Variants in HLF observed in about 807,000 individuals in gnomAD.
HLF encodes HLF transcription factor, PAR bZIP family member.
In HLF, 3 loss-of-function variants were observed where a neutral mutation model predicts 22.6. The ratio of observed to expected loss-of-function variants is 0.13; its 90% CI spans 0.06 to 0.34. The LOEUF is 0.34. Among genes scored for constraint, HLF ranks in the 10% least tolerant of loss-of-function variants. HLF has a pLI of 1.00. For synonymous variants in HLF, 151 were observed against 151.8 expected (o/e 0.99, Z 0.04); for missense variants, 299 against 389.2 (o/e 0.77, Z 1.95).
Position 55,324,661 on chromosome 17 carries a change from C to T in HLF, c.*3782C>T. On this transcript the variant is annotated 3_prime_UTR_variant, in exon 4 of 4. Transcript: ENST00000226067. ...CACCTTCTGCTCCTAGGTACCCCCA[C>T]TGGCAAGGCCAAGGTCTCCTCCACG... 4.3e-6 allele frequency: 1 copy of T among 232,746 alleles called. No homozygotes were observed. Among genetic ancestry groups the T allele is most frequent in the Non-Finnish European group, 8.5e-6 (1 of 117,720 alleles). The allele number at this position is 232,746 out of a possible 1,614,324, so 14.4% of individuals were successfully genotyped here. A position where few individuals can be genotyped will look rare whatever the true frequency, so the allele number is the denominator to read the frequency against.
rs141413025 is a variant in HLF, at chr17:55,296,422, C to T, written c.452-18805C>T. On this transcript the variant is annotated intron_variant, in intron 2 of 3. Transcript: ENST00000226067. ...CACAGTTTCTGCGTACTCTTCCAGACGTTCCCTTTGTGTTTATAAGCATTT... is the reference window on the plus strand; with the variant it reads ...CACAGTTTCTGCGTACTCTTCCAGATGTTCCCTTTGTGTTTATAAGCATTT... Among the ~76,000 whole-genome samples the T allele has an allele frequency of 6.7e-4, 102 of 152,232 alleles. 1 individual carries two copies. Among genetic ancestry groups the T allele is most frequent in the African/African-American group, 2.4e-3 (100 of 41,528 alleles).
In HLF at chr17:55,320,051, T is replaced by C. The variant is rs1164938608; in HGVS notation, c.673-613T>C. ...GCTGCCAAGTATCCCTTTGTATGACTGTATCATAACGTGGTTGTTAAATCT... is the reference window on the plus strand; with the variant it reads ...GCTGCCAAGTATCCCTTTGTATGACCGTATCATAACGTGGTTGTTAAATCT... On this transcript the variant is annotated intron_variant, in intron 3 of 3. Transcript: ENST00000226067. The surrounding 1 kb of genome is among the most constrained non-coding windows in gnomAD (Gnocchi z 4.2). 1.3e-5 allele frequency among the ~76,000 whole-genome samples: 2 copies of C among 152,222 alleles called. No homozygotes were observed. Among genetic ancestry groups the C allele is most frequent in the East Asian group, 3.8e-4 (2 of 5,204 alleles).
chr17:55,273,894 G>A (rs16955833), intron 2 of HLF, among the ~76,000 whole-genome samples: 2,626 of 152,066 alleles, frequency 0.017, 65 homozygotes, highest in African/African-American at 0.06. Flanking sequence ...AGGGAAACCT[G>A]TTCTGTCCAA....
At position 55,321,098 on chromosome 17, in the gene HLF, T is replaced by C. The variant is rs17746075; in HGVS notation, c.*219T>C. On this transcript the variant is annotated 3_prime_UTR_variant, in exon 4 of 4. Coordinates refer to ENST00000226067, the MANE Select transcript of HLF (RefSeq NM_002126.5). ...GTGCGTGTGCGTGTTCCTTTGCTCT[T>C]GCCATTTTAAGGTAGCCCTCTCATC... 20 of 508,194 alleles carry C rather than the reference T, an allele frequency of 3.9e-5. No homozygotes were observed. The highest frequency in any genetic ancestry group is 1.1e-3 in the Middle Eastern group (2 of 1,904). The allele number at this position is 508,194 out of a possible 1,614,324, so 31.5% of individuals were successfully genotyped here.
intron 2 of HLF, among the ~76,000 whole-genome samples, chr17:55,273,978 T>C (rs1347133910): frequency 6.6e-6 from 1 of 152,154 alleles, no homozygotes; most frequent in Non-Finnish European, 1.5e-5. Context: ...TCTGCACTGC[T>C]GCGGTGGGCA....
rs1307725016 is a variant in HLF, at chr17:55,320,841, A to G, written c.850A>G (p.Ile284Val). The stretch of plus-strand genomic sequence containing the variant: ...GAAGGAGCTGGGCAAATGCAAGAAC[A>G]TACTTGCCAAGTATGAGGCCAGGCA... ...LRKELGKCKN[I>V]LAKYEARHGP... Residue 284 changes from isoleucine to valine, a missense_variant, in exon 4 of 4, where the codon ATA becomes GTA. This residue lies in a region of HLF where 224 missense variants were observed against 298.1 expected (regional missense o/e 0.75). Transcript: ENST00000226067. The surrounding 1 kb of genome is among the most constrained non-coding windows in gnomAD (Gnocchi z 4.2). The G allele has an allele frequency of 2.5e-6, 4 of 1,613,630 alleles. No individual in the cohort carries two copies. Among genetic ancestry groups the G allele is most frequent in the Non-Finnish European group, 3.4e-6 (4 of 1,179,888 alleles).
intron 2 of HLF, among the ~76,000 whole-genome samples, chr17:55,290,242 C>T (rs1340062945): frequency 2.0e-5 from 3 of 152,220 alleles, no homozygotes; most frequent in Non-Finnish European, 1.5e-5. Context: ...AGCAGTGCCA[C>T]TGCTGGGTGT....
intron 2 of HLF, chr17:55,272,065 G>C (rs534920404): frequency 6.6e-6 from 1 of 152,368 alleles, no homozygotes; most frequent in East Asian, 1.9e-4. Flanking sequence ...AGTGGTTCTT[G>C]GAGGCCAGAG....
chr17:55,303,049 G>A (rs1904372971), intron 2 of HLF, among the ~76,000 whole-genome samples: 1 of 152,194 alleles, frequency 6.6e-6, no homozygotes, highest in South Asian at 2.1e-4. Context: ...GCAGAATGTT[G>A]ACAAAAGCAG....
intron 2 of HLF, among the ~76,000 whole-genome samples, chr17:55,280,740 C>T (rs1014895484): frequency 1.1e-4 from 17 of 152,090 alleles, no homozygotes; most frequent in Admixed American, 8.5e-4. Context: ...CTTCTGCTCT[C>T]CTTAGTGTGA....
chr17:55,324,883 CAT>C lies in HLF; in HGVS notation c.*4006_*4007del, dbSNP rs1905407612. ...CTTTAATTTTGAGCACCTTACCAAACATAACAATAATCCATTATCCTTTTGGC... is the reference window on the plus strand; with the variant it reads ...CTTTAATTTTGAGCACCTTACCAAACAACAATAATCCATTATCCTTTTGGC... On this transcript the variant is annotated 3_prime_UTR_variant, in exon 4 of 4. Transcript: ENST00000226067. 1.3e-5 allele frequency: 3 copies of C among 232,208 alleles called. No individual in the cohort carries two copies. Among genetic ancestry groups the C allele is most frequent in the African/African-American group, 4.4e-5 (2 of 45,188 alleles). 14.4% of individuals were successfully genotyped at this position (232,208 alleles called of 1,614,324 possible).
intron 2 of HLF, among the ~76,000 whole-genome samples, chr17:55,269,923 A>AAGG (rs2080836979): frequency 1.3e-5 from 2 of 152,214 alleles, no homozygotes; most frequent in South Asian, 4.1e-4. Context: ...TACCAAATTT[A>AAGG]GGATGTGTAC....
Position 55,265,362 on chromosome 17 carries a change from C to CA in HLF, c.-123_-122insA, listed in dbSNP as rs1416235892. The CA allele has an allele frequency of 3.2e-6, 2 of 623,532 alleles. No homozygotes were observed. Among genetic ancestry groups the CA allele is most frequent in the African/African-American group, 3.8e-5 (2 of 52,622 alleles). The allele number at this position is 623,532 out of a possible 1,614,324, so 38.6% of individuals were successfully genotyped here. A position where few individuals can be genotyped will look rare whatever the true frequency, so the allele number is the denominator to read the frequency against. On this transcript the variant is annotated 5_prime_UTR_variant, in exon 1 of 4. Transcript: ENST00000226067. ...ATAAGTAATTTTTTTCTTCCCTTTT[C>CA]TCCACCGCCTTGAGAGCGAGTACTT... is the stretch of plus-strand genomic sequence containing the variant.
intron 2 of HLF, among the ~76,000 whole-genome samples, chr17:55,276,919 T>A (rs2080908974): frequency 6.6e-6 from 1 of 152,230 alleles, no homozygotes; most frequent in African/African-American, 2.4e-5. Flanking sequence ...TGAAAATAAA[T>A]ACTCTCCCTT....
intron 2 of HLF, among the ~76,000 whole-genome samples, chr17:55,296,705 T>C (rs1339706658): frequency 2.6e-5 from 4 of 152,210 alleles, no homozygotes; most frequent in Admixed American, 2.0e-4. Context: ...TACACTTGTG[T>C]GGTATATCTA....
rs1372601522 is a variant in HLF, at chr17:55,323,359, T to G, written c.*2480T>G. 9.3e-6 allele frequency: 2 copies of G among 215,408 alleles called. No individual in the cohort carries two copies. The highest frequency in any genetic ancestry group is 1.9e-5 in the Non-Finnish European group (2 of 106,660). The allele number at this position is 215,408 out of a possible 1,614,324, so 13.3% of individuals were successfully genotyped here. On this transcript the variant is annotated 3_prime_UTR_variant, in exon 4 of 4. Coordinates refer to ENST00000226067, the MANE Select transcript of HLF (RefSeq NM_002126.5). ...TAAAAACATAGAAAAATGATGTCTTTAAGTGGAGAATTGTGGAAGGATTGT... is the reference window on the plus strand; with the variant it reads ...TAAAAACATAGAAAAATGATGTCTTGAAGTGGAGAATTGTGGAAGGATTGT...
intron 2 of HLF, among the ~76,000 whole-genome samples, chr17:55,274,311 A>G (rs2080885741): frequency 6.6e-6 from 1 of 152,188 alleles, no homozygotes; most frequent in African/African-American, 2.4e-5. Flanking sequence ...AAGTAATAAG[A>G]TGAAAAAAAG....
At chr17:55,307,470 TC>T (rs1366643604) in intron 2 of HLF, among the ~76,000 whole-genome samples, 1 of 151,978 alleles carries the variant, frequency 6.6e-6, no homozygotes, top group Admixed American at 6.6e-5. Flanking sequence ...TGCCCAGCCT[TC>T]TCTCAGTAGC....
chr17:55,321,778 G>T lies in HLF; in HGVS notation c.*899G>T. ...AAGCAGAGGGAAATGGGAGGTCTAA[G>T]GATGAGGGGTTAATTTATCAGTACA... On this transcript the variant is annotated 3_prime_UTR_variant, in exon 4 of 4. Coordinates refer to ENST00000226067, the MANE Select transcript of HLF (RefSeq NM_002126.5). 4.3e-6 allele frequency: 1 copy of T among 231,590 alleles called. No individual in the cohort carries two copies. The highest frequency in any genetic ancestry group is 8.6e-6 in the Non-Finnish European group (1 of 116,760). 14.3% of individuals were successfully genotyped at this position (231,590 alleles called of 1,614,324 possible). A position where few individuals can be genotyped will look rare whatever the true frequency, so the allele number is the denominator to read the frequency against.
Sources: allele counts gnomAD v4.1 joint callset (sites outside exome capture counted in the v4.1 genomes callset), GRCh38; gene constraint gnomAD v4.1.1; regional missense constraint gnomAD v4.1.1; non-coding constraint Gnocchi (gnomAD v3.1); transcripts MANE v1.5; gene names NCBI Gene and HGNC (gene_info 2026-07-23, HGNC 2026-07-21).